The following GABRB1 variants were observed in gnomAD, a reference collection of about 807,000 sequenced individuals.
The protein encoded by GABRB1 is gamma-aminobutyric acid receptor subunit beta-1.
GABRB1 carries 17 observed loss-of-function variants against 51.6 expected under a neutral mutation model. The ratio of observed to expected loss-of-function variants is 0.33; its 90% CI spans 0.23 to 0.49. The LOEUF (loss-of-function observed/expected upper bound fraction) is 0.49. Ranked by LOEUF, GABRB1 falls within the 20% of genes least tolerant of loss-of-function variation. The pLI is 0.99. For synonymous variants in GABRB1, 247 were observed against 218.9 expected (o/e 1.13, Z -1.14); for missense variants, 410 against 600.6 (o/e 0.68, Z 3.32).
At chr4:47,038,684 A>T (rs1725701751) in intron 3 of GABRB1, among the ~76,000 whole-genome samples, 1 of 152,142 alleles carries the variant, frequency 6.6e-6, no homozygotes, top group South Asian at 2.1e-4. Context: ...GTTTCTGATG[A>T]TTTTTGCCTT....
At chr4:47,032,380 G>A (rs772776189) in intron 2 of GABRB1, 37 bp from the exon 3 acceptor site, 3 of 1,544,486 alleles carry the variant, frequency 1.9e-6, no homozygotes, top group Admixed American at 1.8e-5. Flanking sequence ...CTGTCACTGA[G>A]AGAATCTGTT....
intron 8 of GABRB1, among the ~76,000 whole-genome samples, chr4:47,415,925 GACTCAAAGTATA>G (rs1266902652): frequency 1.3e-5 from 2 of 152,104 alleles, no homozygotes; most frequent in African/African-American, 4.8e-5. Context: ...TCAGAGAGAT[GACTCAAAGTATA>G]AGTTTCAGAT....
At chr4:47,222,493 G>A (rs1042207926) in intron 4 of GABRB1, among the ~76,000 whole-genome samples, 6 of 152,056 alleles carry the variant, frequency 3.9e-5, no homozygotes, top group Non-Finnish European at 8.8e-5. Flanking sequence ...TCTGCATTAG[G>A]CCTTGAAGTC....
chr4:47,089,504 G>A (rs1247070694), intron 3 of GABRB1, among the ~76,000 whole-genome samples: 1 of 152,080 alleles, frequency 6.6e-6, no homozygotes, highest in African/African-American at 2.4e-5. Context: ...GAGAATAAAC[G>A]AGAGCACATC....
intron 4 of GABRB1, among the ~76,000 whole-genome samples, chr4:47,249,709 G>C (rs1560297541): frequency 6.6e-6 from 1 of 152,140 alleles, no homozygotes; most frequent in Non-Finnish European, 1.5e-5. Flanking sequence ...AACTACTGTT[G>C]CTTAAAAGTT....
chr4:47,113,921 A>T (rs541556599), intron 3 of GABRB1, among the ~76,000 whole-genome samples: 1 of 152,320 alleles, frequency 6.6e-6, no homozygotes, highest in South Asian at 2.1e-4. Context: ...GATACCACCT[A>T]TAGTTGAGTA....
chr4:47,290,493 T>A (rs891262479), intron 4 of GABRB1, among the ~76,000 whole-genome samples: 9 of 152,030 alleles, frequency 5.9e-5, no homozygotes, highest in Admixed American at 1.3e-4. Flanking sequence ...CACTCGAAAA[T>A]GTGGAACTGA....
At chr4:47,298,306 T>A (rs1048958390) in intron 4 of GABRB1, among the ~76,000 whole-genome samples, 5 of 152,200 alleles carry the variant, frequency 3.3e-5, no homozygotes, top group African/African-American at 1.2e-4. Flanking sequence ...TTGTCCCTGT[T>A]TGCAGATGAC....
intron 5 of GABRB1, among the ~76,000 whole-genome samples, chr4:47,385,122 C>G (rs887050838): frequency 2.0e-5 from 3 of 152,108 alleles, no homozygotes; most frequent in African/African-American, 7.2e-5. Context: ...CCTTTTTAAC[C>G]AGAGCAGAAA....
chr4:47,094,724 A>G (rs1351016943), intron 3 of GABRB1, among the ~76,000 whole-genome samples: 6 of 151,920 alleles, frequency 3.9e-5, no homozygotes, highest in Admixed American at 6.5e-5. Context: ...ACGTTTACCT[A>G]TGTAACAAAC....
chr4:47,007,475 G>A (rs1203270191), intron 1 of GABRB1, among the ~76,000 whole-genome samples: 2 of 152,104 alleles, frequency 1.3e-5, no homozygotes, highest in Non-Finnish European at 2.9e-5. Context: ...TGTAATAAAG[G>A]CATAAATGAT....
chr4:47,112,295 G>A lies in GABRB1; in HGVS notation c.241-48954G>A, dbSNP rs1390408239. Reference sequence around the variant, plus strand: ...AGTGAGAAATATTTACACAGTAGCTGGGACTACAGGCATGTTTGCCAGGCT... The same window carrying A: ...AGTGAGAAATATTTACACAGTAGCTAGGACTACAGGCATGTTTGCCAGGCT... On this transcript the variant is annotated intron_variant, in intron 3 of 8. Coordinates refer to ENST00000295454, the MANE Select transcript of GABRB1 (RefSeq NM_000812.4). Among the ~76,000 whole-genome samples, 3 of 152,238 alleles carry A rather than the reference G, an allele frequency of 2.0e-5. No individual in the cohort carries two copies. The South Asian group carries it at 6.2e-4, about 32-fold the overall frequency.
intron 5 of GABRB1, among the ~76,000 whole-genome samples, chr4:47,373,233 C>T (rs536723437): frequency 6.6e-6 from 1 of 152,314 alleles, no homozygotes; most frequent in Admixed American, 6.5e-5. Flanking sequence ...TATACCTCCT[C>T]TATCCATAAC....
chr4:47,412,701 G>A (rs1196633782), intron 8 of GABRB1, among the ~76,000 whole-genome samples: 1 of 152,132 alleles, frequency 6.6e-6, no homozygotes, highest in African/African-American at 2.4e-5. Flanking sequence ...ATAGGAGAAA[G>A]AAAGAGAAAT....
intron 4 of GABRB1, 140 bp from the exon 5 acceptor site, chr4:47,319,987 C>A: frequency 1.5e-6 from 1 of 681,334 alleles, no homozygotes; most frequent in South Asian, 1.6e-5. Context: ...TATAATTATT[C>A]ATAATAGTTT....
intron 1 of GABRB1, among the ~76,000 whole-genome samples, chr4:47,007,928 G>C (rs1252337364): frequency 7.2e-6 from 1 of 139,146 alleles, no homozygotes; most frequent in African/African-American, 2.7e-5. Context: ...AGTCATTCTG[G>C]TTACAGCTGA....
chr4:47,253,643 A>G (rs1722075422), intron 4 of GABRB1, among the ~76,000 whole-genome samples: 2 of 152,200 alleles, frequency 1.3e-5, no homozygotes, highest in African/African-American at 4.8e-5. Context: ...TAACAATTTC[A>G]TTTGATTGGC....
At chr4:47,302,660 A>T (rs1724304383) in intron 4 of GABRB1, among the ~76,000 whole-genome samples, 2 of 152,002 alleles carry the variant, frequency 1.3e-5, no homozygotes, top group Admixed American at 1.3e-4. Flanking sequence ...TTTTCAGGGT[A>T]CAAGATCTTG....
rs922286319 is a variant in GABRB1 at position 47,289,312 on chromosome 4, G to T, written c.462-30815G>T. ...AATGAACTCACTCAGAAAGGAAAAA[G>T]TGCATTATCTCTTTGAAATCAGATC... On this transcript the variant is annotated intron_variant, in intron 4 of 8. Coordinates refer to ENST00000295454, the MANE Select transcript of GABRB1 (RefSeq NM_000812.4). 3.3e-5 allele frequency among the ~76,000 whole-genome samples: 5 copies of T among 152,150 alleles called. No homozygotes were observed. The East Asian group carries it at 9.6e-4, about 29-fold the overall frequency.
Sources: allele counts gnomAD v4.1 joint callset (sites outside exome capture counted in the v4.1 genomes callset), GRCh38; gene constraint gnomAD v4.1.1; transcripts MANE v1.5; gene names NCBI Gene and HGNC (gene_info 2026-07-23, HGNC 2026-07-21).